PDE4D: variants seen among roughly 807,000 people sequenced by gnomAD.
The protein encoded by PDE4D is 3',5'-cyclic-AMP phosphodiesterase 4D.
PDE4D carries 24 observed loss-of-function variants against 87.4 expected under a neutral mutation model. The ratio of observed to expected loss-of-function variants is 0.27; its 90% confidence interval spans 0.20 to 0.39. The LOEUF (loss-of-function observed/expected upper bound fraction) is 0.39. PDE4D is among the 10% of genes least tolerant of loss of function. The pLI is 1.00. For missense variants in PDE4D, 714 were observed against 1,041.0 expected (o/e 0.69, Z 4.32); for synonymous variants, 384 against 383.2 (o/e 1.00, Z -0.02).
chr5:59,131,968 T>A (rs1378180073), intron 5 of PDE4D, among the ~76,000 whole-genome samples: 1 of 152,116 alleles, frequency 6.6e-6, no homozygotes, highest in Non-Finnish European at 1.5e-5. Context: ...GGCTCCAACC[T>A]ACAATCCTTC....
chr5:60,299,207 A>G (rs1053795152), intron 1 of PDE4D, among the ~76,000 whole-genome samples: 1 of 152,238 alleles, frequency 6.6e-6, no homozygotes, highest in African/African-American at 2.4e-5. Context: ...ACTTGTCACT[A>G]AAACCATTGA....
chr5:59,494,364 A>T (rs1806763296), intron 1 of PDE4D, among the ~76,000 whole-genome samples: 1 of 152,238 alleles, frequency 6.6e-6, no homozygotes, highest in Non-Finnish European at 1.5e-5. Flanking sequence ...CAAGACTAGA[A>T]TTAGGATACA....
At chr5:60,251,452 A>T (rs1381020636) in intron 1 of PDE4D, among the ~76,000 whole-genome samples, 1 of 151,992 alleles carries the variant, frequency 6.6e-6, no homozygotes, top group East Asian at 1.9e-4. Context: ...AAGTGAGAAC[A>T]TGCAGTATTT....
chr5:59,631,069 C>A (rs1434020233), intron 1 of PDE4D, among the ~76,000 whole-genome samples: 1 of 152,034 alleles, frequency 6.6e-6, no homozygotes, highest in African/African-American at 2.4e-5. Context: ...AGGAATGGCT[C>A]CTAGAATAAA....
At chr5:60,252,373 T>A (rs1047155167) in intron 1 of PDE4D, among the ~76,000 whole-genome samples, 12 of 149,998 alleles carry the variant, frequency 8.0e-5, no homozygotes, top group African/African-American at 2.9e-4. Context: ...CAATTAATAT[T>A]CAAAATTTCA....
At chr5:59,794,866 A>C (rs911893653) in intron 1 of PDE4D, among the ~76,000 whole-genome samples, 14 of 152,136 alleles carry the variant, frequency 9.2e-5, no homozygotes, top group Non-Finnish European at 1.8e-4. Flanking sequence ...GCTTGTAGAT[A>C]GGCCCAGACA....
intron 5 of PDE4D, among the ~76,000 whole-genome samples, chr5:59,104,119 T>C (rs1475944631): frequency 6.6e-6 from 1 of 152,010 alleles, no homozygotes; most frequent in Non-Finnish European, 1.5e-5. Flanking sequence ...AAATTGTTCC[T>C]AACAGATTAC....
chr5:59,317,833 T>A (rs1231058214), intron 1 of PDE4D, among the ~76,000 whole-genome samples: 1 of 152,118 alleles, frequency 6.6e-6, no homozygotes, highest in African/African-American at 2.4e-5. Context: ...GAGCTGAGAG[T>A]GGACTGGCTT....
At chr5:60,483,141 A>G (rs1639423190) in intron 1 of PDE4D, among the ~76,000 whole-genome samples, 1 of 152,162 alleles carries the variant, frequency 6.6e-6, no homozygotes, top group African/African-American at 2.4e-5. Flanking sequence ...AAATTTTATA[A>G]GAAAATTTTT....
chr5:59,735,013 T>C (rs75866252), intron 1 of PDE4D, among the ~76,000 whole-genome samples: 3,638 of 152,292 alleles, frequency 0.024, 117 homozygotes, highest in African/African-American at 0.072. Flanking sequence ...TAATCCTATA[T>C]TGAGGTTTTA....
chr5:59,117,598 T>C (rs561941613), intron 5 of PDE4D, among the ~76,000 whole-genome samples: 2 of 152,228 alleles, frequency 1.3e-5, no homozygotes, highest in Non-Finnish European at 2.9e-5. Context: ...TTCTTCTTTG[T>C]AGTACTTATA....
chr5:59,291,738 G>T (rs914928901), intron 1 of PDE4D, among the ~76,000 whole-genome samples: 8 of 125,580 alleles, frequency 6.4e-5, no homozygotes, highest in East Asian at 2.2e-4. Context: ...GTAAAAAGAA[G>T]TTTTTTTTTT....
intron 11 of PDE4D, among the ~76,000 whole-genome samples, chr5:58,981,280 CAT>C (rs2153318615): frequency 6.6e-6 from 1 of 152,240 alleles, no homozygotes; most frequent in East Asian, 1.9e-4. Flanking sequence ...ATTTAATCTC[CAT>C]AAGGCCATAA....
chr5:60,242,444 A>G (rs1747236915), intron 1 of PDE4D, among the ~76,000 whole-genome samples: 3 of 152,152 alleles, frequency 2.0e-5, no homozygotes, highest in African/African-American at 7.2e-5. Flanking sequence ...AAGAAACATC[A>G]GACTTAATAT....
chr5:59,859,724 C>CTGTA (rs1350725397), intron 1 of PDE4D, among the ~76,000 whole-genome samples: 3 of 151,866 alleles, frequency 2.0e-5, no homozygotes, highest in African/African-American at 7.3e-5. Flanking sequence ...GTGTGATGAG[C>CTGTA]TGTACCATGG....
At chr5:60,162,504 T>A (rs1247474998) in intron 2 of PDE4D, among the ~76,000 whole-genome samples, 1 of 152,172 alleles carries the variant, frequency 6.6e-6, no homozygotes, top group East Asian at 1.9e-4. Context: ...GTATTTCTTT[T>A]ATTCTTGGTA....
chr5:60,102,045 C>G (rs1313995416), intron 2 of PDE4D, among the ~76,000 whole-genome samples: 1 of 152,026 alleles, frequency 6.6e-6, no homozygotes, highest in African/African-American at 2.4e-5. Flanking sequence ...CACTGATGTA[C>G]TTCACATTTA....
rs192153326 is a variant in PDE4D at position 60,252,100 on chromosome 5, T to A, written c.-89-66413A>T. ...AATAGAATATACCATATAACCTAGG[T>A]GTATACTAAGCTATACCACCCAGGT... On this transcript the variant is annotated intron_variant, in intron 1 of 16. Transcript: ENST00000502484. 2.8e-3 allele frequency among the ~76,000 whole-genome samples: 431 copies of A among 152,060 alleles called. 5 individuals are homozygous for A. Among genetic ancestry groups the A allele is most frequent in the South Asian group, 0.021 (103 of 4,832 alleles).
chr5:58,977,358 C>A lies in PDE4D; in HGVS notation c.1553-13G>T. On this transcript the variant is annotated splice_polypyrimidine_tract_variant and intron_variant, in intron 11 of 14. Coordinates refer to ENST00000340635, the MANE Select transcript of PDE4D (RefSeq NM_001104631.2). ...GCAAGTTCAGAGTCTGTAAAAAAGA[C>A]AAAAGGCCAAAGATCAGCAAAACTG... 1 of 1,597,302 alleles carries A rather than the reference C, an allele frequency of 6.3e-7. No individual in the cohort carries two copies. Among genetic ancestry groups the A allele is most frequent in the Admixed American group, 1.8e-5 (1 of 55,258 alleles).
Sources: allele counts gnomAD v4.1 joint callset (sites outside exome capture counted in the v4.1 genomes callset), GRCh38; gene constraint gnomAD v4.1.1; transcripts MANE v1.5; gene names NCBI Gene and HGNC (gene_info 2026-07-23, HGNC 2026-07-21).